Variants in FLNB observed in about 807,000 individuals in gnomAD.
The protein encoded by FLNB is filamin B.
Under a neutral mutation model 250.6 loss-of-function variants are expected in FLNB, and 111 were observed. The ratio of observed to expected loss-of-function variants is 0.44; its 90% CI spans 0.38 to 0.52. FLNB has a LOEUF of 0.52. Ranked by LOEUF, FLNB falls within the 20% of genes least tolerant of loss-of-function variation. The pLI, the probability that FLNB is intolerant of heterozygous loss-of-function variation, is 0.00. For missense variants in FLNB, 2,869 were observed against 3,447.8 expected (o/e 0.83, Z 4.20); for synonymous variants, 1,302 against 1,372.1 (o/e 0.95, Z 1.13).
rs755518501 is a variant in FLNB, at chr3:58,008,829, C to G, written c.265C>G (p.Arg89Gly). Residue 89 changes from arginine (R) to glycine (G), a missense_variant, in exon 1 of 46, where the codon CGT (arginine) becomes GGT (glycine). Physicochemically the swap from Arg to Gly is moderately radical, Grantham distance 125 (BLOSUM62 -2). Transcript: ENST00000295956. ...NVSVALEFLD[R>G]ESIKLVSIDS... Reference sequence around the variant, plus strand: ...GTCCGTGGCGCTCGAGTTCCTGGACCGTGAGAGCATCAAGCTCGTGTCCAT... The same window carrying G: ...GTCCGTGGCGCTCGAGTTCCTGGACGGTGAGAGCATCAAGCTCGTGTCCAT... The G allele has an allele frequency of 1.9e-6, 3 of 1,613,728 alleles. No homozygotes were observed. The African/African-American group carries it at 4.0e-5, about 22-fold the overall frequency.
In FLNB at chr3:58,163,249, G is replaced by T; in HGVS notation, c.7117G>T (p.Val2373Leu). ...GSHVVGSPFK[V>L]RVGEPGQAGN... ...CCACGTGGTTGGAAGCCCCTTCAAA[G>T]TGCGCGTTGGGGAGCCTGGACAAGC... Residue 2373 changes from valine (V) to leucine (L), a missense_variant, in exon 43 of 46, where the codon GTG (valine) becomes TTG (leucine). Physicochemically the swap from Val to Leu is conservative, Grantham distance 32. Transcript: ENST00000295956. 6.2e-7 allele frequency: 1 copy of T among 1,614,228 alleles called. No individual in the cohort carries two copies. The highest frequency in any genetic ancestry group is 8.5e-7 in the Non-Finnish European group (1 of 1,180,036).
chr3:58,010,183 G>A (rs1325190433), intron 1 of FLNB, among the ~76,000 whole-genome samples: 1 of 152,184 alleles, frequency 6.6e-6, no homozygotes, highest in Non-Finnish European at 1.5e-5. Flanking sequence ...CTCTTCCTAA[G>A]GAGAACCAGG....
intron 1 of FLNB, among the ~76,000 whole-genome samples, chr3:58,032,031 C>A (rs2097131810): frequency 1.3e-5 from 2 of 152,100 alleles, no homozygotes. Flanking sequence ...CAGGGTCAAG[C>A]CATCCTCCCA....
chr3:58,038,822 T>C (rs1315451491), intron 1 of FLNB, among the ~76,000 whole-genome samples: 1 of 152,148 alleles, frequency 6.6e-6, no homozygotes, highest in Non-Finnish European at 1.5e-5. Context: ...TAGGAAAGGC[T>C]GTGCTGACTG....
intron 44 of FLNB, 81 bp downstream of exon 44, chr3:58,168,739 A>T: frequency 1.0e-5 from 10 of 982,622 alleles, no homozygotes; most frequent in South Asian, 1.3e-5. Flanking sequence ...GAAACTATGG[A>T]TGGTTTTAGA....
chr3:58,162,240 G>A (rs2097362999), intron 42 of FLNB, among the ~76,000 whole-genome samples: 1 of 152,136 alleles, frequency 6.6e-6, no homozygotes, highest in African/African-American at 2.4e-5. Flanking sequence ...AAGAGTACTA[G>A]GCACCAGGGA....
Position 58,148,353 on chromosome 3 carries a change from A to G in FLNB, c.5876A>G (p.Asn1959Ser). Residue 1959 changes from asparagine (N) to serine (S), a missense_variant, in exon 35 of 46, where the codon AAC becomes AGC. Physicochemically the swap from Asn to Ser is conservative, Grantham distance 46. Around this residue, in one of 5 missense-constraint regions of FLNB, gnomAD observed 1,084 missense variants for 1,315.5 expected, o/e 0.82. Transcript: ENST00000295956. ...DEPCLLKRLPNNHIGISFIPR... is the reference protein window; with the variant it reads ...DEPCLLKRLPSNHIGISFIPR... Reference sequence around the variant, plus strand: ...CCCTGTCTCCTGAAGAGGCTGCCCAACAACCACATTGGTGAGCTAGGCTAC... The same window carrying G: ...CCCTGTCTCCTGAAGAGGCTGCCCAGCAACCACATTGGTGAGCTAGGCTAC... The G allele has an allele frequency of 3.1e-6, 5 of 1,613,750 alleles. No individual in the cohort carries two copies. The highest frequency in any genetic ancestry group is 4.2e-6 in the Non-Finnish European group (5 of 1,179,874).
At chr3:58,080,411 G>A (rs2097207469) in intron 3 of FLNB, among the ~76,000 whole-genome samples, 1 of 152,098 alleles carries the variant, frequency 6.6e-6, no homozygotes, top group Non-Finnish European at 1.5e-5. Context: ...CTGAGGTGGT[G>A]GCACCTTCAG....
rs1238112212 is a variant in FLNB, at chr3:58,028,617, T to A, written c.292+19761T>A. ...CCAAAAAAAATTTTTTTTTCTTTTC[T>A]TTTTTTTTTTTTTGAGACAAAGTTT... is the stretch of plus-strand genomic sequence containing the variant. On this transcript the variant is annotated intron_variant, in intron 1 of 45. Transcript: ENST00000295956. 7.3e-5 allele frequency among the ~76,000 whole-genome samples: 7 copies of A among 96,228 alleles called. No individual in the cohort carries two copies. The African/African-American group carries it at 7.4e-4, about 10-fold the overall frequency. 63.1% of individuals were successfully genotyped at this position (96,228 alleles called of 152,430 possible).
chr3:58,148,924 T>C (rs2097340382), intron 36 of FLNB, 72 bp downstream of exon 36: 1 of 1,335,050 alleles, frequency 7.5e-7, no homozygotes, highest in Non-Finnish European at 1.1e-6. Flanking sequence ...AGCGTCATCT[T>C]TTCATCCTAC....
chr3:58,146,994 GTA>G lies in FLNB; in HGVS notation c.5728+2_5728+3del. ...AGCCCCTTCACAGCCAAGATCACAG[GTA>G]GGGTTGTCTGGCTTCTGGGGTCTTC... is the stretch of plus-strand genomic sequence containing the variant. On this transcript the variant is annotated splice_donor_variant and splice_donor_region_variant and intron_variant, in intron 34 of 45. Coordinates refer to ENST00000295956, the MANE Select transcript of FLNB (RefSeq NM_001457.4). LOFTEE classifies it high-confidence loss of function. 1 of 1,613,816 alleles carries G rather than the reference GTA, an allele frequency of 6.2e-7. No individual in the cohort carries two copies. The highest frequency in any genetic ancestry group is 8.5e-7 in the Non-Finnish European group (1 of 1,180,010).
At chr3:58,023,511 G>T (rs997652154) in intron 1 of FLNB, among the ~76,000 whole-genome samples, 1 of 152,182 alleles carries the variant, frequency 6.6e-6, no homozygotes, top group South Asian at 2.1e-4. Context: ...GAATTTTAAT[G>T]AATCTTTTTC....
chr3:58,150,574 G>C (rs773637222), intron 38 of FLNB: 7 of 352,304 alleles, frequency 2.0e-5, no homozygotes, highest in Non-Finnish European at 3.3e-5. Flanking sequence ...GCCAGGGTCT[G>C]GAAGTATTTA....
intron 1 of FLNB, among the ~76,000 whole-genome samples, chr3:58,034,400 AT>A (rs56948095): frequency 0.032 from 4,559 of 140,910 alleles, 216 homozygotes; most frequent in African/African-American, 0.1. Context: ...TTTAAAGACA[AT>A]TTTTTTTTTT....
Position 58,145,117 on chromosome 3 carries a change from G to A in FLNB, c.5426-804G>A, listed in dbSNP as rs550603669. Among the ~76,000 whole-genome samples the A allele has an allele frequency of 2.8e-4, 42 of 152,244 alleles. 1 individual carries two copies. Among genetic ancestry groups the A allele is most frequent in the Admixed American group, 2.5e-3 (38 of 15,302 alleles). Reference sequence around the variant, plus strand: ...TGCTTCTATTTAAATATTCTAAAGCGGCAGATGGAGAGAGAGGAAAAAATG... The same window carrying A: ...TGCTTCTATTTAAATATTCTAAAGCAGCAGATGGAGAGAGAGGAAAAAATG... On this transcript the variant is annotated intron_variant, in intron 32 of 45. Coordinates refer to ENST00000295956, the MANE Select transcript of FLNB (RefSeq NM_001457.4).
chr3:58,146,546 C>T (rs540033731), intron 33 of FLNB: 60 of 475,888 alleles, frequency 1.3e-4, no homozygotes, highest in African/African-American at 1.1e-3. Context: ...TACACGGCTC[C>T]TTCCTTTTCT....
In FLNB at chr3:58,057,006, G is replaced by T. The variant is rs1415982299; in HGVS notation, c.293-20040G>T. On this transcript the variant is annotated intron_variant, in intron 1 of 45. Transcript: ENST00000295956. ...CATTTTCTTTTTTCTTTGAGGTGAG[G>T]TCTCTCTTTGTTACCCAGGCTGGCG... Among the ~76,000 whole-genome samples, 3 of 152,130 alleles carry T rather than the reference G, an allele frequency of 2.0e-5. No individual in the cohort carries two copies. The East Asian group carries it at 5.8e-4, about 29-fold the overall frequency.
At chr3:58,113,622 G>A (rs1173890846) in intron 18 of FLNB, among the ~76,000 whole-genome samples, 3 of 152,214 alleles carry the variant, frequency 2.0e-5, no homozygotes, top group Admixed American at 6.5e-5. Context: ...TGTTATAAAT[G>A]TGGCCCCTTA....
At chr3:58,013,531 A>G (rs551941126) in intron 1 of FLNB, among the ~76,000 whole-genome samples, 1 of 152,338 alleles carries the variant, frequency 6.6e-6, no homozygotes, top group South Asian at 2.1e-4. Context: ...GTGCTTAAAA[A>G]GTAGCAAAGT....
Sources: allele counts gnomAD v4.1 joint callset (sites outside exome capture counted in the v4.1 genomes callset), GRCh38; gene constraint gnomAD v4.1.1; regional missense constraint gnomAD v4.1.1; transcripts MANE v1.5; gene names NCBI Gene and HGNC (gene_info 2026-07-23, HGNC 2026-07-21).